MACROD2: variants seen among roughly 807,000 people sequenced by gnomAD.
MACROD2 encodes mono-ADP ribosylhydrolase 2.
MACROD2 carries 36 observed loss-of-function variants against 70.4 expected under a neutral mutation model. The ratio of observed to expected loss-of-function variants is 0.51; its 90% CI spans 0.39 to 0.68. The LOEUF (loss-of-function observed/expected upper bound fraction) is 0.68. Ranked by LOEUF, MACROD2 falls within the 30% of genes least tolerant of loss-of-function variation. MACROD2 has a pLI of 0.00. For missense variants in MACROD2, 496 were observed against 538.4 expected, an observed-to-expected ratio of 0.92 and a Z score of 0.78; for synonymous variants, 172 against 178.8, an observed-to-expected ratio of 0.96 and a Z score of 0.30.
Position 14,971,991 on chromosome 20 carries a change from T to C in MACROD2, c.419-257949T>C, listed in dbSNP as rs147842948. On this transcript the variant is annotated intron_variant, in intron 5 of 17. Coordinates refer to ENST00000684519, the MANE Select transcript of MACROD2 (RefSeq NM_001351661.2). ...TCTGCAGCTCAGTTTTACGGGCTGC[T>C]TTTTGTTAGAAAAGAAAATGATTTG... Among the ~76,000 whole-genome samples, 305 of 152,322 alleles carry C rather than the reference T, an allele frequency of 2.0e-3. 1 individual carries two copies. Among genetic ancestry groups the C allele is most frequent in the African/African-American group, 7.0e-3 (291 of 41,580 alleles).
At chr20:15,082,762 A>C (rs2123138948) in intron 5 of MACROD2, among the ~76,000 whole-genome samples, 1 of 152,134 alleles carries the variant, frequency 6.6e-6, no homozygotes, top group East Asian at 1.9e-4. Context: ...CTTTGTTCAT[A>C]ATTGTGACAT....
At chr20:15,877,756 G>A (rs1437951382) in intron 9 of MACROD2, among the ~76,000 whole-genome samples, 2 of 152,024 alleles carry the variant, frequency 1.3e-5, no homozygotes, top group Non-Finnish European at 2.9e-5. Context: ...GAAGCTTTTG[G>A]TAATGAAATA....
At chr20:14,336,523 CTT>C (rs1194294919) in intron 3 of MACROD2, among the ~76,000 whole-genome samples, 1 of 152,082 alleles carries the variant, frequency 6.6e-6, no homozygotes, top group Non-Finnish European at 1.5e-5. Flanking sequence ...AAATGCATTT[CTT>C]CCAATATAAG....
At position 15,927,667 on chromosome 20, in the gene MACROD2, A is replaced by T. The variant is rs923292046; in HGVS notation, c.776-5609A>T. ...CTGCTAGGTGGAGACTATTCACTGC[A>T]CACCTTTTTATCTGCACTAAAAGAT... is the stretch of plus-strand genomic sequence containing the variant. On this transcript the variant is annotated intron_variant, in intron 10 of 17. Transcript: ENST00000684519. Among the ~76,000 whole-genome samples the T allele has an allele frequency of 8.5e-5, 13 of 152,146 alleles. No individual in the cohort carries two copies. The East Asian group carries it at 9.6e-4, about 11-fold the overall frequency.
intron 5 of MACROD2, among the ~76,000 whole-genome samples, chr20:15,111,099 C>T (rs1209076410): frequency 6.6e-6 from 1 of 151,988 alleles, no homozygotes; most frequent in Non-Finnish European, 1.5e-5. Context: ...CTGACTCACA[C>T]ATATAATCAA....
chr20:14,534,957 G>A (rs904618948), intron 4 of MACROD2, among the ~76,000 whole-genome samples: 1 of 152,180 alleles, frequency 6.6e-6, no homozygotes, highest in African/African-American at 2.4e-5. Flanking sequence ...CAGAATTAGG[G>A]ACAATAGATG....
chr20:15,535,035 G>T (rs1226164823), intron 8 of MACROD2, among the ~76,000 whole-genome samples: 1 of 152,102 alleles, frequency 6.6e-6, no homozygotes, highest in Non-Finnish European at 1.5e-5. Flanking sequence ...AAATACAGTG[G>T]TGTGGTCATG....
intron 3 of MACROD2, chr20:14,128,256 A>T (rs2054676258): frequency 3.5e-6 from 1 of 283,724 alleles, no homozygotes; most frequent in South Asian, 4.5e-5. Context: ...GTATGTGGCT[A>T]TATACAAAGG....
At chr20:14,045,583 A>G (rs2053461072) in intron 2 of MACROD2, among the ~76,000 whole-genome samples, 1 of 152,232 alleles carries the variant, frequency 6.6e-6, no homozygotes, top group East Asian at 1.9e-4. Context: ...TCCTTCAGGT[A>G]TGCCCATTGA....
At chr20:15,101,231 G>A (rs1255452330) in intron 5 of MACROD2, among the ~76,000 whole-genome samples, 1 of 151,976 alleles carries the variant, frequency 6.6e-6, no homozygotes, top group African/African-American at 2.4e-5. Context: ...CTCTATTTTT[G>A]TACCTGATGT....
chr20:14,128,052 C>CTACAAT, intron 3 of MACROD2: 1 of 562,634 alleles, frequency 1.8e-6, no homozygotes, highest in Admixed American at 1.9e-5. Flanking sequence ...ACTTTGTAAC[C>CTACAAT]TGAAACCTAC....
intron 13 of MACROD2, chr20:15,985,848 A>C (rs112695288): frequency 3.0e-4 from 46 of 152,336 alleles, no homozygotes; most frequent in African/African-American, 1.0e-3. Flanking sequence ...GAGCATCGGC[A>C]AGCTACTGCC....
chr20:15,797,418 G>A (rs1250941731), intron 8 of MACROD2, among the ~76,000 whole-genome samples: 1 of 152,084 alleles, frequency 6.6e-6, no homozygotes, highest in Non-Finnish European at 1.5e-5. Context: ...CCCAGCCTTG[G>A]GGTTCTATCT....
chr20:15,700,380 A>C (rs1249618907), intron 8 of MACROD2, among the ~76,000 whole-genome samples: 2 of 152,206 alleles, frequency 1.3e-5, no homozygotes, highest in Non-Finnish European at 2.9e-5. Flanking sequence ...ATGGTTTCGC[A>C]GGGGCATCTG....
rs116914387 is a variant in MACROD2, at chr20:15,788,233, C to T, written c.646-74512C>T. 5.3e-5 allele frequency among the ~76,000 whole-genome samples: 8 copies of T among 152,254 alleles called. No homozygotes were observed. In the East Asian group the frequency reaches 1.5e-3, roughly 29 times the overall value. ...ACCTTAGAAAACACCTTAGAAAACA[C>T]CTGGAAATGCCACACTTAACTGCCG... On this transcript the variant is annotated intron_variant, in intron 8 of 17. Coordinates refer to ENST00000684519, the MANE Select transcript of MACROD2 (RefSeq NM_001351661.2).
intron 8 of MACROD2, among the ~76,000 whole-genome samples, chr20:15,586,495 G>A (rs148106861): frequency 6.6e-6 from 1 of 152,308 alleles, no homozygotes; most frequent in East Asian, 1.9e-4. Flanking sequence ...AAAAGTCAGA[G>A]CATATAAAAC....
intron 6 of MACROD2, among the ~76,000 whole-genome samples, chr20:15,264,077 A>G (rs987478719): frequency 7.9e-5 from 12 of 152,178 alleles, no homozygotes; most frequent in African/African-American, 1.2e-4. Flanking sequence ...AAGAATGACA[A>G]TCTTTGTGCT....
intron 5 of MACROD2, among the ~76,000 whole-genome samples, chr20:15,164,597 T>C (rs2076370422): frequency 1.3e-5 from 2 of 152,198 alleles, no homozygotes; most frequent in Non-Finnish European, 2.9e-5. Flanking sequence ...GGTGTAAGGC[T>C]AATTGAAGAA....
chr20:14,309,540 A>G (rs2082548310), intron 3 of MACROD2, among the ~76,000 whole-genome samples: 1 of 152,138 alleles, frequency 6.6e-6, no homozygotes. Flanking sequence ...ATTCTAAGTA[A>G]TACCTGTTAT....
Sources: gnomAD v4.1 joint callset for allele counts (sites outside exome capture counted in the v4.1 genomes callset) on GRCh38, gnomAD v4.1.1 for gene constraint, MANE v1.5 for transcripts, NCBI Gene and HGNC (gene_info 2026-07-23, HGNC 2026-07-21) for gene names.